Variants in ANKFN1 observed in about 807,000 individuals in gnomAD.
ANKFN1 encodes the protein ankyrin repeat and fibronectin type-III domain-containing protein 1.
In ANKFN1, 74 loss-of-function variants were observed where a neutral mutation model predicts 108.7. The observed-to-expected ratio is 0.68, with a 90% CI of 0.56 to 0.83. The LOEUF (loss-of-function observed/expected upper bound fraction) is 0.83, where lower values mean the gene tolerates loss of function less well. Ranked by LOEUF, ANKFN1 falls within the 40% of genes least tolerant of loss-of-function variation. The pLI is 0.00. For missense variants in ANKFN1, 1,505 were observed against 1,382.3 expected (o/e 1.09, Z -1.41); for synonymous variants, 547 against 516.2 (o/e 1.06, Z -0.81).
chr17:56,150,860 A>AAT (rs1555600942), upstream of ANKFN1, among the ~76,000 whole-genome samples: 3 of 151,848 alleles, frequency 2.0e-5, no homozygotes, highest in African/African-American at 4.8e-5. Context: ...CACTTGAGTC[A>AAT]ATATTGGCAA....
intron 4 of ANKFN1, among the ~76,000 whole-genome samples, chr17:56,338,643 TC>T (rs200353518): frequency 1.8e-4 from 27 of 151,718 alleles, no homozygotes; most frequent in East Asian, 1.5e-3. Flanking sequence ...ACTTGAGGTT[TC>T]TTTTTTTCAG....
At chr17:56,498,858 G>A (rs1487424877) in intron 19 of ANKFN1, 24 bp from the exon 20 acceptor site, 1 of 1,520,838 alleles carries the variant, frequency 6.6e-7, no homozygotes, top group Non-Finnish European at 8.8e-7. Context: ...ATAACTTAGT[G>A]TCTTTTACCA....
intron 1 of ANKFN1, among the ~76,000 whole-genome samples, chr17:56,190,822 C>A (rs1483682714): frequency 7.2e-6 from 1 of 139,422 alleles, no homozygotes; most frequent in African/African-American, 2.8e-5. Flanking sequence ...GTGTTAAAGT[C>A]TCCCATTATT....
At chr17:56,055,530 G>A (rs530772852) in intron 4 of ANKFN1, among the ~76,000 whole-genome samples, 2 of 119,056 alleles carry the variant, frequency 1.7e-5, no homozygotes, top group Non-Finnish European at 3.4e-5. Context: ...GTGTGTGTAT[G>A]CCTAATGTGG....
intron 3 of ANKFN1, among the ~76,000 whole-genome samples, chr17:56,270,757 A>G (rs1345743503): frequency 6.6e-6 from 1 of 152,112 alleles, no homozygotes; most frequent in East Asian, 1.9e-4. Context: ...TCTAACTTGA[A>G]CATGTCCAGC....
intron 8 of ANKFN1, among the ~76,000 whole-genome samples, chr17:56,383,020 A>C (rs1021209793): frequency 3.9e-5 from 6 of 152,184 alleles, no homozygotes; most frequent in African/African-American, 1.4e-4. Context: ...AATCAACAGA[A>C]TATACATTTT....
chr17:56,368,562 G>A (rs1348500914), intron 6 of ANKFN1, among the ~76,000 whole-genome samples: 1 of 151,652 alleles, frequency 6.6e-6, no homozygotes. Context: ...TTACAGGTGT[G>A]AGCCACCGCG....
intron 8 of ANKFN1, among the ~76,000 whole-genome samples, chr17:56,399,687 C>T (rs1052207922): frequency 1.8e-4 from 27 of 151,886 alleles, no homozygotes; most frequent in Non-Finnish European, 8.8e-5. Context: ...GCCTTTGCGT[C>T]CTGATAGCTT....
intron 3 of ANKFN1, among the ~76,000 whole-genome samples, chr17:56,241,380 A>T (rs936665247): frequency 1.3e-5 from 2 of 152,148 alleles, no homozygotes; most frequent in African/African-American, 2.4e-5. Flanking sequence ...AAATCAACTC[A>T]TCCAGCATGA....
chr17:56,206,287 A>G (rs1324185116), intron 1 of ANKFN1, among the ~76,000 whole-genome samples: 1 of 152,014 alleles, frequency 6.6e-6, no homozygotes, highest in Admixed American at 6.6e-5. Context: ...TTTATTTTCC[A>G]TTATATCATG....
At chr17:56,094,794 A>G (rs567182397) in intron 4 of ANKFN1, among the ~76,000 whole-genome samples, 1 of 148,416 alleles carries the variant, frequency 6.7e-6, no homozygotes, top group South Asian at 2.1e-4. Context: ...TGTCGGGATT[A>G]CAGGCATGAG....
chr17:56,277,182 A>G (rs183535984), intron 3 of ANKFN1, among the ~76,000 whole-genome samples: 35 of 152,350 alleles, frequency 2.3e-4, no homozygotes, highest in African/African-American at 8.4e-4. Context: ...AATTATTCCT[A>G]CAGTGTTCAA....
At chr17:56,507,254 A>G (rs1378528007) in intron 20 of ANKFN1, among the ~76,000 whole-genome samples, 5 of 152,222 alleles carry the variant, frequency 3.3e-5, no homozygotes, top group Non-Finnish European at 7.3e-5. Context: ...TTCCCACTAA[A>G]GATTGGAAAA....
intron 3 of ANKFN1, among the ~76,000 whole-genome samples, chr17:56,241,667 T>C (rs1179901479): frequency 6.6e-6 from 1 of 152,134 alleles, no homozygotes; most frequent in Non-Finnish European, 1.5e-5. Flanking sequence ...CTATGTCTTT[T>C]CCTATGCGAG....
intron 3 of ANKFN1, among the ~76,000 whole-genome samples, chr17:56,288,987 T>A (rs2332605): frequency 5.9e-4 from 87 of 147,070 alleles, no homozygotes; most frequent in South Asian, 8.6e-4. Flanking sequence ...CAATCACCCA[T>A]GTGTGTGCAC....
chr17:56,117,256 C>A (rs146453737), intron 4 of ANKFN1, among the ~76,000 whole-genome samples: 1 of 152,272 alleles, frequency 6.6e-6, no homozygotes, highest in Non-Finnish European at 1.5e-5. Context: ...GTTGAATTTT[C>A]TATGAATACA....
intron 4 of ANKFN1, among the ~76,000 whole-genome samples, chr17:56,129,134 T>A (rs1248268173): frequency 1.3e-5 from 2 of 152,200 alleles, no homozygotes; most frequent in Non-Finnish European, 2.9e-5. Context: ...TGGTACCTTC[T>A]ATTACTGGCA....
intron 3 of ANKFN1, among the ~76,000 whole-genome samples, chr17:56,238,126 C>T (rs1917292180): frequency 1.3e-5 from 2 of 152,088 alleles, no homozygotes; most frequent in South Asian, 4.1e-4. Flanking sequence ...TTTTACTGTG[C>T]TGTGGTCCAA....
chr17:56,439,180 A>T, intron 8 of ANKFN1, among the ~76,000 whole-genome samples: 1 of 152,168 alleles, frequency 6.6e-6, no homozygotes, highest in Non-Finnish European at 1.5e-5. Context: ...CATCCAGAGC[A>T]AGGGAACTGT....
Sources: gnomAD v4.1 joint callset for allele counts (sites outside exome capture counted in the v4.1 genomes callset) on GRCh38, gnomAD v4.1.1 for gene constraint, MANE v1.5 for transcripts, NCBI Gene and HGNC (gene_info 2026-07-23, HGNC 2026-07-21) for gene names.